Variants in ITGB8 observed in about 807,000 individuals in gnomAD.
ITGB8 encodes integrin subunit beta 8, also known as integrin beta-8.
ITGB8 carries 30 observed loss-of-function variants against 89.5 expected under a neutral mutation model. The ratio of observed to expected loss-of-function variants is 0.34; its 90% CI spans 0.25 to 0.45. ITGB8 has a LOEUF of 0.45. ITGB8 is among the 20% of genes least tolerant of loss of function. The probability of loss-of-function intolerance (pLI) is 1.00; values close to 1 mark genes in which losing one functional copy is unlikely to be tolerated. For missense variants in ITGB8, 836 were observed against 933.3 expected (o/e 0.90, Z 1.36); for synonymous variants, 335 against 320.4 (o/e 1.05, Z -0.49).
At chr7:20,370,697 G>A (rs1785899570) in intron 3 of ITGB8, among the ~76,000 whole-genome samples, 1 of 151,824 alleles carries the variant, frequency 6.6e-6, no homozygotes, top group Non-Finnish European at 1.5e-5. Context: ...TGCAACCTCT[G>A]CCTCCTGGGT....
chr7:20,393,537 C>T (rs771754292), intron 7 of ITGB8, among the ~76,000 whole-genome samples: 2 of 152,212 alleles, frequency 1.3e-5, no homozygotes, highest in African/African-American at 4.8e-5. Flanking sequence ...GTAAAAGTTT[C>T]AGCGGTGCCC....
intron 1 of ITGB8, among the ~76,000 whole-genome samples, chr7:20,336,054 G>A (rs1163603995): frequency 1.6e-5 from 2 of 127,318 alleles, no homozygotes; most frequent in East Asian, 4.4e-4. Flanking sequence ...CGCCCAGGCT[G>A]GAGTGCAGTG....
At chr7:20,391,600 CT>C (rs1319062948) in intron 7 of ITGB8, 102 bp downstream of exon 7, 7 of 565,714 alleles carry the variant, frequency 1.2e-5, no homozygotes, top group African/African-American at 2.0e-5. Flanking sequence ...AATTATTATA[CT>C]TTGTACAATC....
At chr7:20,339,825 C>G (rs988409082) in intron 1 of ITGB8, among the ~76,000 whole-genome samples, 9 of 152,072 alleles carry the variant, frequency 5.9e-5, no homozygotes, top group Admixed American at 2.6e-4. Flanking sequence ...GTCAGGAGTT[C>G]AAGACCAGCC....
intron 1 of ITGB8, among the ~76,000 whole-genome samples, chr7:20,353,931 C>CAAAAAAAAAAA (rs1158594685): frequency 2.7e-4 from 15 of 55,678 alleles, no homozygotes; most frequent in African/African-American, 3.2e-4. Flanking sequence ...GACTCCGTCT[C>CAAAAAAAAAAA]AAAAAAAAAA....
At chr7:20,366,546 C>G (rs1243589258) in intron 2 of ITGB8, 1 of 154,090 alleles carries the variant, frequency 6.5e-6, no homozygotes, top group Non-Finnish European at 1.4e-5. Flanking sequence ...AGGCAGATCA[C>G]CTAAGGTCAG....
chr7:20,359,675 G>C (rs976557405), intron 1 of ITGB8, among the ~76,000 whole-genome samples: 5 of 144,996 alleles, frequency 3.4e-5, no homozygotes, highest in African/African-American at 1.2e-4. Context: ...GAAGGAGAGA[G>C]AGTGTGTGTG....
chr7:20,403,908 A>G (rs559582043), intron 10 of ITGB8, among the ~76,000 whole-genome samples: 1 of 152,056 alleles, frequency 6.6e-6, no homozygotes, highest in South Asian at 2.1e-4. Flanking sequence ...TAAGTTTTGG[A>G]CACTTTTACT....
At chr7:20,405,411 C>T (rs996980430) in intron 11 of ITGB8, among the ~76,000 whole-genome samples, 127 of 150,420 alleles carry the variant, frequency 8.4e-4, no homozygotes, top group African/African-American at 2.9e-3. Context: ...CCCGGGTTCA[C>T]GCCATTCTCT....
At position 20,413,438 on chromosome 7, in the gene ITGB8, T is replaced by C. The variant is rs949569104; in HGVS notation, c.*3441T>C. The stretch of plus-strand genomic sequence containing the variant: ...AGCCATCAGACACTGAAATATATTA[T>C]GATAGATTATGAAGAATTTTCTCTG... On this transcript the variant is annotated 3_prime_UTR_variant, in exon 14 of 14. Coordinates refer to ENST00000222573, the MANE Select transcript of ITGB8 (RefSeq NM_002214.3). 6.6e-6 allele frequency: 1 copy of C among 152,542 alleles called. No homozygotes were observed. Among genetic ancestry groups the C allele is most frequent in the African/African-American group, 2.4e-5 (1 of 41,450 alleles). The allele number at this position is 152,542 out of a possible 1,614,324, so 9.4% of individuals were successfully genotyped here.
chr7:20,407,916 C>T (rs1451991115), intron 12 of ITGB8, among the ~76,000 whole-genome samples: 1 of 152,182 alleles, frequency 6.6e-6, no homozygotes, highest in African/African-American at 2.4e-5. Context: ...TCTGTTCTAA[C>T]CTATTAGAAA....
intron 1 of ITGB8, among the ~76,000 whole-genome samples, chr7:20,340,498 A>G (rs566172001): frequency 6.6e-6 from 1 of 152,354 alleles, no homozygotes; most frequent in African/African-American, 2.4e-5. Flanking sequence ...GATTTGGGCC[A>G]GGAATGTTTT....
In ITGB8 at chr7:20,413,934, T is replaced by C. The variant is rs1583555445; in HGVS notation, c.*3937T>C. On this transcript the variant is annotated 3_prime_UTR_variant, in exon 14 of 14. Transcript: ENST00000222573. ...TTATGCAATGCAGACCACTGAGATA[T>C]AGCTAACATTCTTTCAAATAATTTT... 1 of 152,140 alleles carries C rather than the reference T, an allele frequency of 6.6e-6. No individual in the cohort carries two copies. Among genetic ancestry groups the C allele is most frequent in the South Asian group, 2.1e-4 (1 of 4,824 alleles). The allele number at this position is 152,140 out of a possible 1,614,324, so 9.4% of individuals were successfully genotyped here. A position where few individuals can be genotyped will look rare whatever the true frequency, so the allele number is the denominator to read the frequency against.
chr7:20,345,372 T>C (rs1784888863), intron 1 of ITGB8, among the ~76,000 whole-genome samples: 1 of 131,744 alleles, frequency 7.6e-6, no homozygotes, highest in African/African-American at 2.9e-5. Context: ...GTCTTATATT[T>C]TGGAGGAGGA....
At position 20,409,251 on chromosome 7, in the gene ITGB8, C is replaced by T. The variant is rs563489331; in HGVS notation, c.2024-364C>T. On this transcript the variant is annotated intron_variant, in intron 12 of 13. Coordinates refer to ENST00000222573, the MANE Select transcript of ITGB8 (RefSeq NM_002214.3). ...CTTTTCCATTTAGTGATCAACAGTA[C>T]GTACCACAAAAACTAGTCCTCTTTC... 4.6e-5 allele frequency among the ~76,000 whole-genome samples: 7 copies of T among 152,276 alleles called. No individual in the cohort carries two copies. The East Asian group carries it at 7.7e-4, about 17-fold the overall frequency.
intron 6 of ITGB8, among the ~76,000 whole-genome samples, chr7:20,388,327 G>A (rs1201599579): frequency 6.6e-6 from 1 of 152,204 alleles, no homozygotes; most frequent in East Asian, 1.9e-4. Flanking sequence ...GAGGGAGTTG[G>A]AGTTCAGGAG....
chr7:20,368,153 G>A (rs1785780283), intron 3 of ITGB8, among the ~76,000 whole-genome samples: 1 of 152,094 alleles, frequency 6.6e-6, no homozygotes, highest in Non-Finnish European at 1.5e-5. Context: ...CATATTCCCA[G>A]TTTCCAATTA....
intron 11 of ITGB8, 115 bp downstream of exon 11, chr7:20,404,968 A>C: frequency 1.2e-6 from 1 of 858,220 alleles, no homozygotes; most frequent in Non-Finnish European, 1.9e-6. Context: ...ATGCTAAAAA[A>C]GAATTAAATG....
chr7:20,383,368 A>G lies in ITGB8; in HGVS notation c.960+1483A>G, dbSNP rs547535582. On this transcript the variant is annotated intron_variant, in intron 6 of 13. Coordinates refer to ENST00000222573, the MANE Select transcript of ITGB8 (RefSeq NM_002214.3). The stretch of plus-strand genomic sequence containing the variant: ...CCATAATTCTCTTCTACTCAGCCTT[A>G]TTTCACTTTGACAGACCCACCTACT... 5.1e-4 allele frequency among the ~76,000 whole-genome samples: 78 copies of G among 152,234 alleles called. 1 individual carries two copies. Among genetic ancestry groups the G allele is most frequent in the African/African-American group, 1.8e-3 (74 of 41,548 alleles).
Sources: gnomAD v4.1 joint callset for allele counts (sites outside exome capture counted in the v4.1 genomes callset) on GRCh38, gnomAD v4.1.1 for gene constraint, MANE v1.5 for transcripts, NCBI Gene and HGNC (gene_info 2026-07-23, HGNC 2026-07-21) for gene names.